Variants in ANK2 observed in about 807,000 individuals in gnomAD.
ANK2 encodes the protein ankyrin-2.
ANK2 carries 83 observed loss-of-function variants against 360.5 expected under a neutral mutation model. That is an observed-to-expected ratio of 0.23 (90% CI 0.19 to 0.28). ANK2 has a LOEUF of 0.28. ANK2 is among the 10% of genes least tolerant of loss of function. The pLI, the probability that ANK2 is intolerant of heterozygous loss-of-function variation, is 1.00. For synonymous variants in ANK2, 1,740 were observed against 1,759.5 expected (o/e 0.99, Z 0.28); for missense variants, 4,201 against 4,795.7 (o/e 0.88, Z 3.66).
chr4:112,781,825 G>GTT, the ANK2 span, among the ~76,000 whole-genome samples: 19 of 127,316 alleles, frequency 1.5e-4, no homozygotes, highest in East Asian at 2.5e-3. Context: ...TGTGATAACA[G>GTT]TATTTTTTTT....
At chr4:112,784,340 A>G in the ANK2 span, among the ~76,000 whole-genome samples, 1 of 113,006 alleles carries the variant, frequency 8.8e-6, no homozygotes, top group Non-Finnish European at 1.8e-5. Context: ...ACGTGCCACC[A>G]CCCTGACTGA....
intron 2 of ANK2, among the ~76,000 whole-genome samples, chr4:112,967,583 C>T (rs1422251132): frequency 1.3e-5 from 2 of 151,928 alleles, no homozygotes; most frequent in Non-Finnish European, 1.5e-5. Context: ...TATACTTTTC[C>T]AAAGGTGTGA....
intron 4 of ANK2, among the ~76,000 whole-genome samples, chr4:113,223,166 C>T (rs900116441): frequency 2.6e-5 from 4 of 152,102 alleles, no homozygotes; most frequent in Non-Finnish European, 5.9e-5. Context: ...TTTCATAATG[C>T]TAATTCCAAG....
In ANK2 at chr4:113,373,108, A is replaced by T; in HGVS notation, c.11629A>T (p.Ile3877Leu). ...TGTTTAGGGAGACGATATGCCTGAA[A>T]TACCCCCAGAAACAGTCACAGAAGA... ...AFEKGDDMPEIPPETVTEEEY... is the reference protein window; with the variant it reads ...AFEKGDDMPELPPETVTEEEY... The change falls in exon 44 of 46, where the codon ATA becomes TTA. Residue 3877 changes from isoleucine to leucine, a missense_variant. Ile to Leu is a conservative substitution (Grantham distance 5, BLOSUM62 2). This residue lies in a region of ANK2 where 2,642 missense variants were observed against 2,714.5 expected (regional missense o/e 0.97). Transcript: ENST00000357077. 1 of 1,614,108 alleles carries T rather than the reference A, an allele frequency of 6.2e-7. No individual in the cohort carries two copies. Among genetic ancestry groups the T allele is most frequent in the Non-Finnish European group, 8.5e-7 (1 of 1,179,976 alleles).
chr4:113,007,318 G>C (rs1532876), intron 2 of ANK2, among the ~76,000 whole-genome samples: 136,538 of 152,230 alleles, frequency 0.9, 61,507 homozygotes, highest in East Asian at 0.99. Context: ...TATGGCCACA[G>C]GCTGTGCTAT....
At chr4:113,008,688 A>C (rs2053725808) in intron 2 of ANK2, among the ~76,000 whole-genome samples, 1 of 152,086 alleles carries the variant, frequency 6.6e-6, no homozygotes. Context: ...ACAGGGGGGA[A>C]ATGGTCATTT....
intron 20 of ANK2, among the ~76,000 whole-genome samples, chr4:113,289,768 C>T (rs371259136): frequency 6.6e-6 from 1 of 152,156 alleles, no homozygotes; most frequent in African/African-American, 2.4e-5. Context: ...TATAATCTTA[C>T]TCTAGCAAGA....
At chr4:113,247,161 GAAAA>G (rs780555782) in intron 9 of ANK2, among the ~76,000 whole-genome samples, 1 of 121,500 alleles carries the variant, frequency 8.2e-6, no homozygotes, top group Admixed American at 8.7e-5. Flanking sequence ...TGATTCTAGA[GAAAA>G]AAAAAAAAAC....
intron 2 of ANK2, among the ~76,000 whole-genome samples, chr4:112,919,956 G>C (rs188713361): frequency 1.3e-5 from 2 of 152,124 alleles, no homozygotes; most frequent in East Asian, 3.9e-4. Context: ...TATATTTAGA[G>C]TTGAATAATA....
chr4:113,106,570 C>T (rs553507060), intron 1 of ANK2, among the ~76,000 whole-genome samples: 16 of 152,172 alleles, frequency 1.1e-4, no homozygotes, highest in Non-Finnish European at 2.2e-4. Context: ...ATGCTGACAC[C>T]GCATGGAAAA....
At chr4:113,257,990 T>G in intron 11 of ANK2, 60 bp from the exon 12 acceptor site, 1 of 1,415,438 alleles carries the variant, frequency 7.1e-7, no homozygotes, top group Non-Finnish European at 1.0e-6. Flanking sequence ...TGTGCCAGCA[T>G]GGAGTTGTGT....
intron 2 of ANK2, among the ~76,000 whole-genome samples, chr4:112,978,627 T>G (rs567124337): frequency 1.1e-4 from 17 of 152,350 alleles, no homozygotes; most frequent in Non-Finnish European, 2.4e-4. Flanking sequence ...CTTCAAGGTT[T>G]ATCGACCTTG....
intron 4 of ANK2, among the ~76,000 whole-genome samples, chr4:113,211,629 A>G (rs977713570): frequency 6.6e-6 from 1 of 152,172 alleles, no homozygotes; most frequent in Admixed American, 6.5e-5. Flanking sequence ...CATTCTTCAC[A>G]TATTATACTC....
chr4:113,094,432 G>A (rs2090049436), intron 1 of ANK2, among the ~76,000 whole-genome samples: 2 of 152,066 alleles, frequency 1.3e-5, no homozygotes, highest in Non-Finnish European at 2.9e-5. Context: ...TATCTGAAGG[G>A]GATATTTGAT....
At chr4:112,839,665 A>T (rs796658422) in intron 1 of ANK2, among the ~76,000 whole-genome samples, 11 of 152,360 alleles carry the variant, frequency 7.2e-5, no homozygotes, top group African/African-American at 2.6e-4. Context: ...GTGTAAAGTA[A>T]AGGGAAAACA....
intron 1 of ANK2, among the ~76,000 whole-genome samples, chr4:113,114,263 A>G (rs138664175): frequency 5.2e-4 from 79 of 152,194 alleles, no homozygotes; most frequent in African/African-American, 1.8e-3. Context: ...AAGGAAAGAT[A>G]CCTGGAAAAA....
At chr4:113,323,628 C>T in intron 26 of ANK2, 1 of 818,202 alleles carries the variant, frequency 1.2e-6, no homozygotes, top group Non-Finnish European at 1.8e-6. Context: ...CGACCTATAT[C>T]TCATTTGGAT....
intron 9 of ANK2, among the ~76,000 whole-genome samples, chr4:113,249,404 C>A (rs564349509): frequency 3.9e-5 from 6 of 152,142 alleles, no homozygotes; most frequent in Admixed American, 3.9e-4. Context: ...GGGAGTAGAG[C>A]TTTAAATTTC....
chr4:112,974,317 G>A (rs2352221), intron 2 of ANK2, among the ~76,000 whole-genome samples: 50,250 of 152,024 alleles, frequency 0.33, 8,908 homozygotes, highest in African/African-American at 0.46. Flanking sequence ...TTCCATTAAA[G>A]GGGGACCTGC....
Sources: allele counts gnomAD v4.1 joint callset (sites outside exome capture counted in the v4.1 genomes callset), GRCh38; gene constraint gnomAD v4.1.1; regional missense constraint gnomAD v4.1.1; transcripts MANE v1.5; gene names NCBI Gene and HGNC (gene_info 2026-07-23, HGNC 2026-07-21).